Variants in ATM observed in about 807,000 individuals in gnomAD.
ATM encodes serine-protein kinase ATM.
Under a neutral mutation model 387.0 loss-of-function variants are expected in ATM, and 308 were observed. The observed-to-expected ratio is 0.80, with a 90% CI of 0.73 to 0.87. The LOEUF (loss-of-function observed/expected upper bound fraction) is 0.87. ATM is among the 40% of genes least tolerant of loss of function. The pLI, the probability that ATM is intolerant of heterozygous loss-of-function variation, is 0.00. For missense variants in ATM, 3,312 were observed against 3,560.9 expected (o/e 0.93, Z 1.78); for synonymous variants, 1,156 against 1,187.3 (o/e 0.97, Z 0.54).
In ATM at chr11:108,257,711, C is replaced by G. The variant is rs1471385438; in HGVS notation, c.2376+105C>G. 20 of 1,177,094 alleles carry G rather than the reference C, an allele frequency of 1.7e-5. No individual in the cohort carries two copies. In the East Asian group the frequency reaches 4.9e-4, roughly 29 times the overall value. The allele number at this position is 1,177,094 out of a possible 1,614,324, so 72.9% of individuals were successfully genotyped here. A position where few individuals can be genotyped will look rare whatever the true frequency, so the allele number is the denominator to read the frequency against. On this transcript the variant is annotated intron_variant, in intron 15 of 62. Coordinates refer to ENST00000675843, the MANE Select transcript of ATM (RefSeq NM_000051.4). ...CACAACTCATTGTAGCCTTGACCTC[C>G]TGGTTTCCAGCAATTCTCCTGCCTC... is the stretch of plus-strand genomic sequence containing the variant.
chr11:108,350,042 T>C (rs1414926123), intron 59 of ATM, among the ~76,000 whole-genome samples: 1 of 152,164 alleles, frequency 6.6e-6, no homozygotes, highest in Non-Finnish European at 1.5e-5. Flanking sequence ...GGAGGGATGG[T>C]AACTGGCCTT....
intron 45 of ATM, among the ~76,000 whole-genome samples, chr11:108,322,629 A>T (rs1399635527): frequency 6.6e-6 from 1 of 152,168 alleles, no homozygotes; most frequent in Non-Finnish European, 1.5e-5. Context: ...GATGCTGTAG[A>T]TCTAAATTCT....
At chr11:108,354,082 C>CACACAT (rs1555143116) in intron 60 of ATM, among the ~76,000 whole-genome samples, 1,671 of 150,404 alleles carry the variant, frequency 0.011, 23 homozygotes, top group African/African-American at 0.025. Context: ...CACACACACA[C>CACACAT]ACACACACAC....
chr11:108,365,586 CT>C lies in ATM; in HGVS notation c.*81del. The stretch of plus-strand genomic sequence containing the variant: ...CCTTTATTTTTAACCTGCCAACATA[CT>C]TTAAGTAGGGATTAATATTTAAGTG... On this transcript the variant is annotated 3_prime_UTR_variant, in exon 63 of 63. Transcript: ENST00000675843. The C allele has an allele frequency of 6.7e-7, 1 of 1,485,824 alleles. No homozygotes were observed. The highest frequency in any genetic ancestry group is 9.2e-7 in the Non-Finnish European group (1 of 1,090,720). The allele number at this position is 1,485,824 out of a possible 1,614,324, so 92.0% of individuals were successfully genotyped here. A position where few individuals can be genotyped will look rare whatever the true frequency, so the allele number is the denominator to read the frequency against.
intron 38 of ATM, 176 bp downstream of exon 38, chr11:108,308,160 T>G: frequency 3.0e-6 from 2 of 670,528 alleles, no homozygotes; most frequent in Non-Finnish European, 2.6e-6. Context: ...TTTGGTTAAA[T>G]CAGTGTCAAG....
At chr11:108,357,938 G>A (rs1177975968) in intron 61 of ATM, among the ~76,000 whole-genome samples, 1 of 150,712 alleles carries the variant, frequency 6.6e-6, no homozygotes, top group Non-Finnish European at 1.5e-5. Flanking sequence ...GAACAAAGCT[G>A]GATGGAGAAT....
chr11:108,241,837 T>A (rs1458115675), intron 5 of ATM, among the ~76,000 whole-genome samples: 1 of 140,364 alleles, frequency 7.1e-6, no homozygotes, highest in Non-Finnish European at 1.5e-5. Flanking sequence ...AGCTTCGACC[T>A]CCTGAGCTCA....
In ATM at chr11:108,235,676, C is replaced by T. The variant is rs876658324; in HGVS notation, c.338C>T (p.Pro113Leu). The change falls in exon 5 of 63, where the codon CCT (proline) becomes CTT (leucine). Residue 113 changes from proline (P) to leucine (L), a missense_variant. Transcript: ENST00000675843. ...TTTGTTTATTTTGAAATAGGAGCAC[C>T]TAGGCTAAAATGTCAAGAACTCTTA... Reference protein sequence around the residue: ...YFIKCANRRAPRLKCQELLNY... With the variant: ...YFIKCANRRALRLKCQELLNY... 1.1e-5 allele frequency: 18 copies of T among 1,608,160 alleles called. No homozygotes were observed. Among genetic ancestry groups the T allele is most frequent in the East Asian group, 2.2e-5 (1 of 44,738 alleles).
intron 24 of ATM, among the ~76,000 whole-genome samples, chr11:108,281,634 G>A (rs2082237902): frequency 6.6e-6 from 1 of 152,164 alleles, no homozygotes. Context: ...CATCAGCACA[G>A]TATTATAGAA....
chr11:108,291,704 T>A (rs1431786293), intron 29 of ATM, among the ~76,000 whole-genome samples: 1 of 152,090 alleles, frequency 6.6e-6, no homozygotes, highest in Non-Finnish European at 1.5e-5. Flanking sequence ...ATACCAAGAG[T>A]GTTGGGATGA....
rs1555111886 is a variant in ATM at position 108,312,475 on chromosome 11, G to A, written c.5983G>A (p.Glu1995Lys). 1 of 1,579,972 alleles carries A rather than the reference G, an allele frequency of 6.3e-7. No homozygotes were observed. Among genetic ancestry groups the A allele is most frequent in the Non-Finnish European group, 8.7e-7 (1 of 1,149,314 alleles). The change falls in exon 40 of 63, where the codon GAA becomes AAA. Residue 1995 changes from glutamate to lysine, a missense_variant. Glu to Lys is a moderately conservative substitution (Grantham distance 56). Coordinates refer to ENST00000675843, the MANE Select transcript of ATM (RefSeq NM_000051.4). ...TISSLSEKSK[E>K]ETGISLQDLL... ...TTCTAGCTTGAGTGAAAAAAGTAAA[G>A]AAGAAACTGGAATAAGTTTACAGGT... is the stretch of plus-strand genomic sequence containing the variant.
chr11:108,223,412 C>T (rs1003892571), intron 1 of ATM: 5 of 152,442 alleles, frequency 3.3e-5, no homozygotes, highest in African/African-American at 1.2e-4. Context: ...GCCTCCTGCG[C>T]ATCCTCTTTT....
At position 108,251,918 on chromosome 11, in the gene ATM, G is replaced by C. The variant is rs786202469; in HGVS notation, c.1689G>C (p.Met563Ile). 6.2e-7 allele frequency: 1 copy of C among 1,613,946 alleles called. No homozygotes were observed. Among genetic ancestry groups the C allele is most frequent in the East Asian group, 2.2e-5 (1 of 44,860 alleles). Residue 563 changes from methionine to isoleucine, a missense_variant, in exon 11 of 63, where the codon ATG (methionine) becomes ATC (isoleucine). Met to Ile is a conservative substitution (Grantham distance 10). Coordinates refer to ENST00000675843, the MANE Select transcript of ATM (RefSeq NM_000051.4). Reference protein sequence around the residue: ...GTVKMGIEQNMCEVNRSFSLK... With the variant: ...GTVKMGIEQNICEVNRSFSLK... Reference sequence around the variant, plus strand: ...TAAAAATGGGAATAGAGCAAAATATGTGTGAAGTAAATAGAAGCTTTTCTT... The same window carrying C: ...TAAAAATGGGAATAGAGCAAAATATCTGTGAAGTAAATAGAAGCTTTTCTT...
intron 56 of ATM, chr11:108,336,215 G>A: frequency 2.5e-6 from 1 of 395,440 alleles, no homozygotes; most frequent in Non-Finnish European, 4.7e-6. Context: ...TGAGGTGGGA[G>A]GATCACTTGA....
chr11:108,280,162 G>A (rs1565440262), intron 23 of ATM, among the ~76,000 whole-genome samples: 2 of 152,156 alleles, frequency 1.3e-5, no homozygotes, highest in East Asian at 3.9e-4. Flanking sequence ...GAAATTGAAA[G>A]GAACAATTGA....
In ATM at chr11:108,274,544, G is replaced by T. The variant is rs532527711; in HGVS notation, c.3284+1692G>T. 2.6e-5 allele frequency among the ~76,000 whole-genome samples: 4 copies of T among 152,254 alleles called. No homozygotes were observed. The East Asian group carries it at 7.7e-4, about 29-fold the overall frequency. ...TCCCTCTAAACACTGCTTTAGCTGT[G>T]TCCCAGAGATTCTGGTACATTGTGT... On this transcript the variant is annotated intron_variant, in intron 22 of 62. Coordinates refer to ENST00000675843, the MANE Select transcript of ATM (RefSeq NM_000051.4).
intron 3 of ATM, among the ~76,000 whole-genome samples, 176 bp downstream of exon 3, chr11:108,228,064 T>C (rs2078834914): frequency 6.6e-6 from 1 of 152,232 alleles, no homozygotes; most frequent in Non-Finnish European, 1.5e-5. Flanking sequence ...TTAAAGGTTG[T>C]TCATATAGAA....
At chr11:108,235,538 C>A (rs985655404) in intron 4 of ATM, 132 bp from the exon 5 acceptor site, 10 of 858,266 alleles carry the variant, frequency 1.2e-5, no homozygotes, top group Middle Eastern at 3.5e-4. Context: ...CCATAATTTG[C>A]CAATTTCTTC....
At chr11:108,245,821 CTTTTTTTTT>C (rs369306448) in intron 7 of ATM, among the ~76,000 whole-genome samples, 2 of 129,880 alleles carry the variant, frequency 1.5e-5, no homozygotes, top group African/African-American at 5.7e-5. Flanking sequence ...CTTGTAGCCA[CTTTTTTTTT>C]TTTTTTTTTT....
Sources: allele counts gnomAD v4.1 joint callset (sites outside exome capture counted in the v4.1 genomes callset), GRCh38; gene constraint gnomAD v4.1.1; transcripts MANE v1.5; gene names NCBI Gene and HGNC (gene_info 2026-07-23, HGNC 2026-07-21).